SMG7: variants seen among roughly 807,000 people sequenced by gnomAD.
SMG7 encodes the protein SMG7 nonsense mediated mRNA decay factor.
A neutral mutation model predicts 148.2 loss-of-function variants in SMG7; 34 were observed. That is an observed-to-expected ratio of 0.23 (90% CI 0.17 to 0.31). SMG7 has a LOEUF of 0.31. Ranked by LOEUF, SMG7 falls within the 10% of genes least tolerant of loss-of-function variation. The pLI is 1.00. For missense variants in SMG7, 1,114 were observed against 1,408.4 expected (o/e 0.79, Z 3.35); for synonymous variants, 492 against 515.1 (o/e 0.96, Z 0.61).
At chr1:183,512,525 A>C (rs1018657103) in intron 1 of SMG7, among the ~76,000 whole-genome samples, 4 of 152,186 alleles carry the variant, frequency 2.6e-5, no homozygotes, top group Non-Finnish European at 5.9e-5. Context: ...TAAAAAGTTA[A>C]TATCATTTAA....
intron 1 of SMG7, among the ~76,000 whole-genome samples, chr1:183,511,616 T>G (rs946301786): frequency 6.6e-6 from 1 of 152,160 alleles, no homozygotes; most frequent in Non-Finnish European, 1.5e-5. Flanking sequence ...GTAGGACAGT[T>G]TAGATTTTGT....
At chr1:183,498,180 G>T (rs1454886831) in intron 1 of SMG7, among the ~76,000 whole-genome samples, 2 of 152,096 alleles carry the variant, frequency 1.3e-5, no homozygotes, top group Non-Finnish European at 2.9e-5. Context: ...TTCCAAGTTA[G>T]AAAGTTGAAC....
At chr1:183,528,762 T>G in intron 6 of SMG7, 130 bp from the exon 7 acceptor site, 1 of 770,512 alleles carries the variant, frequency 1.3e-6, no homozygotes, top group South Asian at 1.8e-5. Flanking sequence ...TGGTTTGCAA[T>G]GAGGCAGTCA....
intron 1 of SMG7, among the ~76,000 whole-genome samples, chr1:183,503,068 A>G (rs1233384226): frequency 6.6e-6 from 1 of 152,206 alleles, no homozygotes; most frequent in Non-Finnish European, 1.5e-5. Flanking sequence ...CTAGATTGCA[A>G]GGGTGGAACC....
At chr1:183,506,325 G>C (rs1046184800) in intron 1 of SMG7, among the ~76,000 whole-genome samples, 29 of 152,126 alleles carry the variant, frequency 1.9e-4, no homozygotes, top group African/African-American at 6.8e-4. Flanking sequence ...AAGCAAATTA[G>C]TATTTTTATT....
At chr1:183,541,752 A>G (rs1286460826) in intron 13 of SMG7, among the ~76,000 whole-genome samples, 1 of 152,224 alleles carries the variant, frequency 6.6e-6, no homozygotes, top group Non-Finnish European at 1.5e-5. Context: ...TCACATCTAT[A>G]GAATAGGAAT....
At chr1:183,508,595 A>G (rs1298206313) in intron 1 of SMG7, among the ~76,000 whole-genome samples, 3 of 152,172 alleles carry the variant, frequency 2.0e-5, no homozygotes, top group African/African-American at 7.2e-5. Flanking sequence ...TTTCTCATAT[A>G]TTGTACACTG....
chr1:183,544,792 T>TA, intron 15 of SMG7, 138 bp from the exon 16 acceptor site: 1 of 948,068 alleles, frequency 1.1e-6, no homozygotes, highest in Admixed American at 2.4e-5. Context: ...CAAATCAAGT[T>TA]AAAGATTGAC....
Position 183,531,270 on chromosome 1 carries a change from A to G in SMG7, c.843+1737A>G, listed in dbSNP as rs76666558. Among the ~76,000 whole-genome samples, 479 of 152,260 alleles carry G rather than the reference A, an allele frequency of 3.1e-3. 1 individual carries two copies. The highest frequency in any genetic ancestry group is 0.014 in the Middle Eastern group (4 of 294). The stretch of plus-strand genomic sequence containing the variant: ...AGAAATGTTTACCAAGTTGAGGTCC[A>G]CTAAGGGATTTAAGGCCTGGGATCT... On this transcript the variant is annotated intron_variant, in intron 8 of 22. Transcript: ENST00000688051.
At chr1:183,517,495 GTTGGAT>G in intron 3 of SMG7, 187 bp from the exon 4 acceptor site, 1 of 620,122 alleles carries the variant, frequency 1.6e-6, no homozygotes, top group Non-Finnish European at 2.9e-6. Context: ...ACTAAGGTCA[GTTGGAT>G]TCTACTGCAT....
At chr1:183,480,804 GTTACC>G (rs1653909502) in intron 1 of SMG7, among the ~76,000 whole-genome samples, 1 of 152,054 alleles carries the variant, frequency 6.6e-6, no homozygotes, top group Non-Finnish European at 1.5e-5. Flanking sequence ...TCTTCCTACT[GTTACC>G]TTACCTGCAT....
At chr1:183,539,792 T>C (rs1668470910) in intron 12 of SMG7, among the ~76,000 whole-genome samples, 1 of 152,218 alleles carries the variant, frequency 6.6e-6, no homozygotes, top group African/African-American at 2.4e-5. Flanking sequence ...TAGGTTCAAG[T>C]CCTTCCGTTT....
chr1:183,533,114 A>G, intron 8 of SMG7, 50 bp from the exon 9 acceptor site: 1 of 1,511,014 alleles, frequency 6.6e-7, no homozygotes, highest in Non-Finnish European at 9.1e-7. Context: ...TGTGTCAAAG[A>G]TGGTTCCTGT....
intron 2 of SMG7, among the ~76,000 whole-genome samples, chr1:183,514,619 T>C (rs888952096): frequency 6.6e-5 from 10 of 152,264 alleles, no homozygotes; most frequent in Admixed American, 2.0e-4. Flanking sequence ...TAAATAGTCT[T>C]AGGGTTTGAC....
At chr1:183,550,714 A>G (rs568082318) in intron 20 of SMG7, 37 bp from the exon 21 acceptor site, 12 of 1,600,604 alleles carry the variant, frequency 7.5e-6, no homozygotes, top group South Asian at 6.6e-5. Context: ...TTGTGAAACA[A>G]TGATTTACTA....
chr1:183,552,133 C>A lies in SMG7; in HGVS notation c.*202C>A. On this transcript the variant is annotated 3_prime_UTR_variant, in exon 23 of 23. Transcript: ENST00000688051. Reference sequence around the variant, plus strand: ...AAAGAAAAATCCATCAGGAACTCTCCGTCCCCCCGGGGCCCTCCGGAGGGA... The same window carrying A: ...AAAGAAAAATCCATCAGGAACTCTCAGTCCCCCCGGGGCCCTCCGGAGGGA... The A allele has an allele frequency of 1.6e-6, 2 of 1,267,172 alleles. No individual in the cohort carries two copies. Among genetic ancestry groups the A allele is most frequent in the Non-Finnish European group, 2.0e-6 (2 of 996,170 alleles). The allele number at this position is 1,267,172 out of a possible 1,614,324, so 78.5% of individuals were successfully genotyped here.
chr1:183,484,578 A>T lies in SMG7; in HGVS notation c.29+11929A>T, dbSNP rs554157084. On this transcript the variant is annotated intron_variant, in intron 1 of 22. Transcript: ENST00000688051. ...AGTTCTCAAGAATGTGTCACCAGGA[A>T]CAATTCTCTCTCCCTTTAAATGCTA... 3.3e-5 allele frequency among the ~76,000 whole-genome samples: 5 copies of T among 152,228 alleles called. No individual in the cohort carries two copies. The East Asian group carries it at 9.7e-4, about 29-fold the overall frequency.
At chr1:183,491,543 A>C (rs1219707087) in intron 1 of SMG7, among the ~76,000 whole-genome samples, 1 of 152,208 alleles carries the variant, frequency 6.6e-6, no homozygotes, top group Non-Finnish European at 1.5e-5. Flanking sequence ...GGGTACATAC[A>C]TATGTGGCTA....
At position 183,533,212 on chromosome 1, in the gene SMG7, A is replaced by C. The variant is rs1449882972; in HGVS notation, c.892A>C (p.Thr298Pro). 1 of 1,613,790 alleles carries C rather than the reference A, an allele frequency of 6.2e-7. No homozygotes were observed. Among genetic ancestry groups the C allele is most frequent in the Non-Finnish European group, 8.5e-7 (1 of 1,179,832 alleles). The change falls in exon 9 of 23, where the codon ACT becomes CCT. Residue 298 changes from threonine (T) to proline (P), a missense_variant. By Grantham distance (38) the Thr-to-Pro change is conservative. Transcript: ENST00000688051. ...AFNSQQLVHV[T>P]VINLFQLHHL... is the part of the protein sequence containing the mutation. ...CAACTCTCAGCAGTTAGTTCATGTC[A>C]CTGTCATTAACCTGTTTCAACTTCA... is the stretch of plus-strand genomic sequence containing the variant.
Sources: gnomAD v4.1 joint callset for allele counts (sites outside exome capture counted in the v4.1 genomes callset) on GRCh38, gnomAD v4.1.1 for gene constraint, MANE v1.5 for transcripts, NCBI Gene and HGNC (gene_info 2026-07-23, HGNC 2026-07-21) for gene names.